The following MIPOL1 variants were observed in gnomAD, a reference collection of about 807,000 sequenced individuals.
The protein encoded by MIPOL1 is mirror-image polydactyly gene 1 protein.
MIPOL1 carries 57 observed loss-of-function variants against 60.9 expected under a neutral mutation model. The ratio of observed to expected loss-of-function variants is 0.94; its 90% confidence interval spans 0.76 to 1.17. The LOEUF (loss-of-function observed/expected upper bound fraction) is 1.17, where lower values mean the gene tolerates loss of function less well. Ranked by LOEUF, MIPOL1 falls within the 50% of genes most tolerant of loss-of-function variation. The pLI, the probability that MIPOL1 is intolerant of heterozygous loss-of-function variation, is 0.00. For synonymous variants in MIPOL1, 179 were observed against 168.8 expected, an observed-to-expected ratio of 1.06 and a Z score of -0.47; for missense variants, 551 against 511.6, an observed-to-expected ratio of 1.08 and a Z score of -0.74.
chr14:37,481,560 A>ACACACAC (rs1491233595), intron 11 of MIPOL1, among the ~76,000 whole-genome samples: 5 of 113,146 alleles, frequency 4.4e-5, no homozygotes, highest in Admixed American at 9.4e-5. Context: ...GACCCCCCCC[A>ACACACAC]ACACACACAC....
At chr14:37,275,456 A>ACATTT (rs1472982272) in intron 6 of MIPOL1, among the ~76,000 whole-genome samples, 1 of 151,330 alleles carries the variant, frequency 6.6e-6, no homozygotes, top group Non-Finnish European at 1.5e-5. Context: ...TAACAATGAG[A>ACATTT]CATAGTATGC....
intron 12 of MIPOL1, among the ~76,000 whole-genome samples, chr14:37,509,878 A>T (rs113795244): frequency 1.3e-5 from 2 of 151,706 alleles, no homozygotes; most frequent in African/African-American, 2.4e-5. Flanking sequence ...GGCATTTTTT[A>T]AATTAAGAAA....
At chr14:37,412,320 G>A (rs1284325137) in intron 10 of MIPOL1, among the ~76,000 whole-genome samples, 1 of 151,912 alleles carries the variant, frequency 6.6e-6, no homozygotes, top group Non-Finnish European at 1.5e-5. Flanking sequence ...ACCTTGACAC[G>A]TATGTATGTA....
Position 37,422,925 on chromosome 14 carries a change from T to A in MIPOL1, c.1007T>A (p.Ile336Asn). ...CAGTACAAAAAACTGGAAGAGGAAA[T>A]CCAGACCCTTCGAGTTTACTACAGG... Reference protein sequence around the residue: ...VQQYKKLEEEIQTLRVYYSLH... With the variant: ...VQQYKKLEEENQTLRVYYSLH... Residue 336 changes from isoleucine to asparagine, a missense_variant, in exon 11 of 13, where the codon ATC (isoleucine) becomes AAC (asparagine). Ile to Asn is a moderately radical substitution (Grantham distance 149). Transcript: ENST00000684589. 1 of 1,606,700 alleles carries A rather than the reference T, an allele frequency of 6.2e-7. No homozygotes were observed. The highest frequency in any genetic ancestry group is 8.5e-7 in the Non-Finnish European group (1 of 1,175,500).
chr14:37,490,842 C>G lies in MIPOL1; in HGVS notation c.1032-9066C>G, dbSNP rs940741965. The stretch of plus-strand genomic sequence containing the variant: ...CCTCAGTAGGAAATGCAGAAATCAC[C>G]TGCCTTCTGCGTTGATCTCACTGGG... On this transcript the variant is annotated intron_variant, in intron 11 of 12. Coordinates refer to ENST00000684589, the MANE Select transcript of MIPOL1 (RefSeq NM_001388067.1). 2.0e-5 allele frequency among the ~76,000 whole-genome samples: 3 copies of G among 152,294 alleles called. No homozygotes were observed. In the East Asian group the frequency reaches 5.8e-4, roughly 30 times the overall value.
At chr14:37,368,413 A>G (rs552823900) in intron 9 of MIPOL1, among the ~76,000 whole-genome samples, 38 of 152,182 alleles carry the variant, frequency 2.5e-4, no homozygotes, top group African/African-American at 7.2e-4. Context: ...GGTCAGAGGC[A>G]GAAGAAATCA....
intron 10 of MIPOL1, among the ~76,000 whole-genome samples, chr14:37,374,814 C>T (rs1252305079): frequency 3.3e-5 from 5 of 152,166 alleles, no homozygotes; most frequent in East Asian, 1.9e-4. Context: ...AGTCAGTTAT[C>T]GTGATGCATC....
At chr14:37,525,872 A>G (rs769503600) in intron 12 of MIPOL1, among the ~76,000 whole-genome samples, 11 of 152,234 alleles carry the variant, frequency 7.2e-5, no homozygotes, top group Non-Finnish European at 1.6e-4. Context: ...AAAGATAACC[A>G]GTGAAGACTT....
chr14:37,240,940 T>C (rs61988309), intron 1 of MIPOL1, among the ~76,000 whole-genome samples: 16 of 146,070 alleles, frequency 1.1e-4, no homozygotes, highest in South Asian at 2.2e-4. Flanking sequence ...CACACACACA[T>C]ACACACACAC....
At chr14:37,369,992 TA>T (rs2092596014) in intron 10 of MIPOL1, 1 of 153,044 alleles carries the variant, frequency 6.5e-6, no homozygotes, top group African/African-American at 2.4e-5. Flanking sequence ...TAATAATTTT[TA>T]AAAGGACTTG....
chr14:37,327,978 C>T (rs1467337930), intron 9 of MIPOL1, among the ~76,000 whole-genome samples: 1 of 151,806 alleles, frequency 6.6e-6, no homozygotes, highest in Non-Finnish European at 1.5e-5. Flanking sequence ...TTTGGGTGAC[C>T]ATTGCTTTTG....
At chr14:37,456,575 T>C (rs1002430168) in intron 11 of MIPOL1, among the ~76,000 whole-genome samples, 9 of 152,116 alleles carry the variant, frequency 5.9e-5, no homozygotes, top group African/African-American at 2.2e-4. Flanking sequence ...CAGGTAAATA[T>C]GGAATTATAA....
Position 37,500,099 on chromosome 14 carries a change from C to A in MIPOL1, c.1223C>A (p.Ala408Asp). The A allele has an allele frequency of 1.2e-6, 2 of 1,613,274 alleles. No individual in the cohort carries two copies. Among genetic ancestry groups the A allele is most frequent in the Non-Finnish European group, 1.7e-6 (2 of 1,179,558 alleles). ...AATATGGAATTACAACTTCAACATG[C>A]CAGAGAGGCCTCCCAAGTGGCCAAT... ...RANMELQLQH[A>D]REASQVANEK... Residue 408 changes from alanine to aspartate, a missense_variant, in exon 12 of 13, where the codon GCC becomes GAC. Ala to Asp is a moderately radical substitution (Grantham distance 126). Coordinates refer to ENST00000684589, the MANE Select transcript of MIPOL1 (RefSeq NM_001388067.1).
chr14:37,547,135 C>T lies in MIPOL1; in HGVS notation c.*164C>T, dbSNP rs937958347. On this transcript the variant is annotated 3_prime_UTR_variant, in exon 13 of 13. Transcript: ENST00000684589. ...ATAAAATCAAATCACAAATGTTTAACCACTTTGCTGCTGACTTGAGTTATT... is the reference window on the plus strand; with the variant it reads ...ATAAAATCAAATCACAAATGTTTAATCACTTTGCTGCTGACTTGAGTTATT... The T allele has an allele frequency of 3.4e-6, 2 of 595,198 alleles. No individual in the cohort carries two copies. Among genetic ancestry groups the T allele is most frequent in the African/African-American group, 3.8e-5 (2 of 52,940 alleles). The allele number at this position is 595,198 out of a possible 1,614,324, so 36.9% of individuals were successfully genotyped here. A position where few individuals can be genotyped will look rare whatever the true frequency, so the allele number is the denominator to read the frequency against.
intron 6 of MIPOL1, among the ~76,000 whole-genome samples, chr14:37,282,662 C>T (rs1182469580): frequency 5.0e-5 from 7 of 141,280 alleles, no homozygotes; most frequent in Admixed American, 2.3e-4. Flanking sequence ...TGGTGAAACC[C>T]CGCTGGAGCC....
At chr14:37,523,130 T>A (rs1289592522) in intron 12 of MIPOL1, among the ~76,000 whole-genome samples, 1 of 152,164 alleles carries the variant, frequency 6.6e-6, no homozygotes, top group Admixed American at 6.5e-5. Flanking sequence ...TCATGTCACC[T>A]TGCTTATGGC....
At chr14:37,533,484 G>A (rs1339341058) in intron 12 of MIPOL1, among the ~76,000 whole-genome samples, 1 of 152,112 alleles carries the variant, frequency 6.6e-6, no homozygotes, top group Non-Finnish European at 1.5e-5. Context: ...TTTTAGATGA[G>A]ACAGTGATGT....
chr14:37,362,576 A>G (rs917521726), intron 9 of MIPOL1, among the ~76,000 whole-genome samples: 47 of 152,174 alleles, frequency 3.1e-4, no homozygotes, highest in Admixed American at 7.9e-4. Flanking sequence ...GAATCTGACA[A>G]TTACGTGTCT....
rs10134009 is a variant in MIPOL1 at position 37,318,120 on chromosome 14, G to A, written c.828+9601G>A. Among the ~76,000 whole-genome samples the A allele has an allele frequency of 2.5e-3, 375 of 152,252 alleles. 1 individual carries two copies. Among genetic ancestry groups the A allele is most frequent in the African/African-American group, 8.6e-3 (356 of 41,566 alleles). On this transcript the variant is annotated intron_variant, in intron 9 of 12. Coordinates refer to ENST00000684589, the MANE Select transcript of MIPOL1 (RefSeq NM_001388067.1). ...ATTGAGATTAGGGAGTGCAGCATAA[G>A]CTAACAAACCCACTTGATGAGCATA...
Sources: allele counts gnomAD v4.1 joint callset (sites outside exome capture counted in the v4.1 genomes callset), GRCh38; gene constraint gnomAD v4.1.1; transcripts MANE v1.5; gene names NCBI Gene and HGNC (gene_info 2026-07-23, HGNC 2026-07-21).